The following ERC2 variants were observed in gnomAD, a reference collection of about 807,000 sequenced individuals.
The protein encoded by ERC2 is ERC protein 2.
ERC2 carries 42 observed loss-of-function variants against 114.8 expected under a neutral mutation model. That is an observed-to-expected ratio of 0.37 (90% CI 0.29 to 0.47). The LOEUF is 0.47. Ranked by LOEUF, ERC2 falls within the 20% of genes least tolerant of loss-of-function variation. The pLI is 0.99. For missense variants in ERC2, 939 were observed against 1,150.7 expected, an observed-to-expected ratio of 0.82 and a Z score of 2.66; for synonymous variants, 454 against 425.5, an observed-to-expected ratio of 1.07 and a Z score of -0.82.
chr3:56,112,060 C>T (rs537370103), intron 6 of ERC2, among the ~76,000 whole-genome samples: 1 of 152,258 alleles, frequency 6.6e-6, no homozygotes, highest in African/African-American at 2.4e-5. Flanking sequence ...TAACTAAAAA[C>T]ATCTTTCTAG....
intron 14 of ERC2, among the ~76,000 whole-genome samples, chr3:55,764,970 T>C (rs1303333077): frequency 6.6e-6 from 1 of 152,218 alleles, no homozygotes; most frequent in Non-Finnish European, 1.5e-5. Flanking sequence ...TGCCAAATTA[T>C]ACAGCTCTTC....
intron 3 of ERC2, among the ~76,000 whole-genome samples, chr3:56,278,238 C>A (rs1243286152): frequency 6.6e-6 from 1 of 152,188 alleles, no homozygotes; most frequent in Non-Finnish European, 1.5e-5. Flanking sequence ...AATAAAATGA[C>A]CTAGCAACAT....
intron 17 of ERC2, among the ~76,000 whole-genome samples, chr3:55,585,177 T>C (rs1264261647): frequency 6.6e-6 from 1 of 152,214 alleles, no homozygotes; most frequent in East Asian, 1.9e-4. Context: ...TGGCCTGATC[T>C]AAGACAAATA....
At chr3:56,436,614 A>G (rs2062031086) in intron 1 of ERC2, among the ~76,000 whole-genome samples, 1 of 152,146 alleles carries the variant, frequency 6.6e-6, no homozygotes, top group Non-Finnish European at 1.5e-5. Flanking sequence ...TGGATGGTGC[A>G]AGGGGTGAGA....
intron 14 of ERC2, among the ~76,000 whole-genome samples, chr3:55,823,281 A>C (rs112483208): frequency 1.3e-5 from 2 of 152,336 alleles, no homozygotes; most frequent in African/African-American, 4.8e-5. Flanking sequence ...CCATCATTCA[A>C]GCTGGACCAC....
intron 15 of ERC2, among the ~76,000 whole-genome samples, chr3:55,723,665 G>A (rs1052141591): frequency 6.6e-6 from 1 of 151,870 alleles, no homozygotes; most frequent in African/African-American, 2.4e-5. Context: ...GAGAGGAGAG[G>A]GTGAAAAATC....
intron 2 of ERC2, among the ~76,000 whole-genome samples, chr3:56,310,938 G>C (rs2056501097): frequency 6.6e-6 from 1 of 151,858 alleles, no homozygotes; most frequent in Admixed American, 6.6e-5. Flanking sequence ...GTAATGGAAA[G>C]TTAGGGAAGG....
At chr3:55,683,898 G>A (rs1576119961) in intron 16 of ERC2, 39 bp from the exon 17 acceptor site, 4 of 1,602,650 alleles carry the variant, frequency 2.5e-6, no homozygotes, top group South Asian at 1.1e-5. Flanking sequence ...ACAGAGAGGA[G>A]GGGAGCACCA....
At chr3:56,265,959 G>A (rs994106364) in intron 3 of ERC2, among the ~76,000 whole-genome samples, 1 of 151,124 alleles carries the variant, frequency 6.6e-6, no homozygotes, top group Admixed American at 6.6e-5. Flanking sequence ...AACCTGGGCG[G>A]TGGAGGTTGC....
intron 6 of ERC2, among the ~76,000 whole-genome samples, chr3:56,138,961 T>C (rs2080688057): frequency 6.6e-6 from 1 of 152,134 alleles, no homozygotes. Flanking sequence ...CTTCAATGGG[T>C]AAAAGAAATT....
At chr3:56,427,670 A>G (rs2061624279) in intron 2 of ERC2, among the ~76,000 whole-genome samples, 1 of 152,158 alleles carries the variant, frequency 6.6e-6, no homozygotes. Flanking sequence ...AGCCACCCAC[A>G]GAGGGCAGAT....
chr3:56,350,672 G>C (rs1280298812), intron 2 of ERC2, among the ~76,000 whole-genome samples: 1 of 152,138 alleles, frequency 6.6e-6, no homozygotes, highest in Non-Finnish European at 1.5e-5. Flanking sequence ...AGGCCTTCAA[G>C]GGACAGTGCA....
intron 17 of ERC2, among the ~76,000 whole-genome samples, chr3:55,616,180 A>G (rs2059116704): frequency 6.6e-6 from 1 of 152,196 alleles, no homozygotes; most frequent in Non-Finnish European, 1.5e-5. Flanking sequence ...GTTTCACAAC[A>G]TGAAAGGTCA....
chr3:56,296,605 T>A (rs137904435), intron 2 of ERC2, among the ~76,000 whole-genome samples, 170 bp from the exon 3 acceptor site: 1 of 152,214 alleles, frequency 6.6e-6, no homozygotes, highest in East Asian at 1.9e-4. Context: ...GGACAGCACA[T>A]GGAGAGGGGG....
chr3:56,212,882 C>A (rs1290728463), intron 3 of ERC2, among the ~76,000 whole-genome samples: 1 of 152,014 alleles, frequency 6.6e-6, no homozygotes, highest in Non-Finnish European at 1.5e-5. Flanking sequence ...TTTGCAGCAA[C>A]CTGGATGGAA....
At chr3:56,401,869 C>T (rs558308884) in intron 2 of ERC2, among the ~76,000 whole-genome samples, 16 of 152,124 alleles carry the variant, frequency 1.1e-4, no homozygotes, top group South Asian at 6.2e-4. Context: ...CATACATACC[C>T]GAGACTGGGT....
intron 3 of ERC2, among the ~76,000 whole-genome samples, chr3:56,254,650 T>C (rs1255687379): frequency 6.6e-6 from 1 of 152,214 alleles, no homozygotes; most frequent in Non-Finnish European, 1.5e-5. Flanking sequence ...CGGGCCGGGA[T>C]CTGAAAGCCC....
rs1207679415 is a variant in ERC2 at position 55,797,888 on chromosome 3, C to T, written c.2565-62970G>A. Reference sequence around the variant, plus strand: ...AAGTTACTAGAAAGATTTGAAGAATCCAAATTAAACTTTGGGGAATGAAAA... The same window carrying T: ...AAGTTACTAGAAAGATTTGAAGAATTCAAATTAAACTTTGGGGAATGAAAA... On this transcript the variant is annotated intron_variant, in intron 14 of 17. Transcript: ENST00000288221. 3.3e-5 allele frequency among the ~76,000 whole-genome samples: 5 copies of T among 152,038 alleles called. No individual in the cohort carries two copies. The East Asian group carries it at 9.6e-4, about 29-fold the overall frequency.
At chr3:55,825,614 A>G (rs2060294859) in intron 14 of ERC2, among the ~76,000 whole-genome samples, 1 of 152,136 alleles carries the variant, frequency 6.6e-6, no homozygotes, top group South Asian at 2.1e-4. Context: ...GGACATAGTT[A>G]CTTCTGAATT....
Sources: gnomAD v4.1 joint callset for allele counts (sites outside exome capture counted in the v4.1 genomes callset) on GRCh38, gnomAD v4.1.1 for gene constraint, MANE v1.5 for transcripts, NCBI Gene and HGNC (gene_info 2026-07-23, HGNC 2026-07-21) for gene names.